The following PXT1 variants were observed in gnomAD, a reference collection of about 807,000 sequenced individuals.
The protein encoded by PXT1 is peroxisomal testis enriched protein 1, also known as peroxisomal testis-specific protein 1.
A neutral mutation model predicts 11.0 loss-of-function variants in PXT1; 11 were observed. The ratio of observed to expected loss-of-function variants is 1.00; its 90% CI spans 0.63 to 1.66. The LOEUF (loss-of-function observed/expected upper bound fraction) is 1.66. Among genes scored for constraint, PXT1 ranks in the 40% most tolerant of loss-of-function variants. PXT1 has a pLI of 0.00. For synonymous variants in PXT1, 43 were observed against 51.4 expected (o/e 0.84, Z 0.70); for missense variants, 141 against 155.5 (o/e 0.91, Z 0.49).
intron 3 of PXT1, among the ~76,000 whole-genome samples, chr6:36,413,618 G>A (rs565564469): frequency 6.2e-4 from 94 of 152,188 alleles, no homozygotes; most frequent in Non-Finnish European, 9.6e-4. Context: ...TAATATAGTG[G>A]GAGAAATTTT....
intron 2 of PXT1, among the ~76,000 whole-genome samples, chr6:36,437,423 G>A (rs1774782507): frequency 6.6e-6 from 1 of 152,018 alleles, no homozygotes; most frequent in Non-Finnish European, 1.5e-5. Flanking sequence ...CTGTCCCTCT[G>A]GATATTCATG....
intron 3 of PXT1, among the ~76,000 whole-genome samples, chr6:36,420,905 A>T (rs966814408): frequency 7.2e-5 from 11 of 152,022 alleles, no homozygotes; most frequent in Non-Finnish European, 1.0e-4. Context: ...ATACAAAAAA[A>T]TTAGCCGGGC....
At chr6:36,403,189 C>T (rs1774238905) in intron 3 of PXT1, among the ~76,000 whole-genome samples, 1 of 152,118 alleles carries the variant, frequency 6.6e-6, no homozygotes, top group Non-Finnish European at 1.5e-5. Context: ...CGGGTGGTTC[C>T]CATGTGCAGG....
At chr6:36,439,241 A>C (rs1287847437) in intron 1 of PXT1, among the ~76,000 whole-genome samples, 2 of 150,658 alleles carry the variant, frequency 1.3e-5, no homozygotes, top group Non-Finnish European at 3.0e-5. Context: ...CAGGTGATCC[A>C]CCCGCCTTGG....
Position 36,429,504 on chromosome 6 carries a change from TTTTC to T in PXT1, c.-9-3417_-9-3414del, listed in dbSNP as rs1774658466. On this transcript the variant is annotated intron_variant, in intron 2 of 4. Coordinates refer to ENST00000454782, the MANE Select transcript of PXT1 (RefSeq NM_152990.4). ...TTCACTTTTCTTTTTTCTTTTTTTCTTTTCTTTTTTTTTTTTTTGAGATGGAGTT... is the reference window on the plus strand; with the variant it reads ...TTCACTTTTCTTTTTTCTTTTTTTCTTTTTTTTTTTTTTTGAGATGGAGTT... Among the ~76,000 whole-genome samples the T allele has an allele frequency of 2.7e-5, 3 of 112,524 alleles. No individual in the cohort carries two copies. The South Asian group carries it at 7.9e-4, about 29-fold the overall frequency. The allele number at this position is 112,524 out of a possible 152,430, so 73.8% of individuals were successfully genotyped here. A position where few individuals can be genotyped will look rare whatever the true frequency, so the allele number is the denominator to read the frequency against.
chr6:36,399,110 T>C (rs1205228045), intron 4 of PXT1, among the ~76,000 whole-genome samples: 1 of 146,210 alleles, frequency 6.8e-6, no homozygotes, highest in Non-Finnish European at 1.5e-5. Flanking sequence ...TATTTCTCTC[T>C]TGCTTTATTT....
chr6:36,399,925 T>G (rs1160961003), intron 4 of PXT1, among the ~76,000 whole-genome samples: 8 of 152,130 alleles, frequency 5.3e-5, no homozygotes, highest in Non-Finnish European at 2.9e-5. Context: ...AAGGCATAGG[T>G]TCTCCTCCCT....
In PXT1 at chr6:36,399,806, C is replaced by T. The variant is rs142265595; in HGVS notation, c.300+648G>A. The stretch of plus-strand genomic sequence containing the variant: ...TTCAAACAGTAATCATTAGTCTTTC[C>T]TATTTTCCCTTATCATCTGTTATAA... On this transcript the variant is annotated intron_variant, in intron 4 of 4. Coordinates refer to ENST00000454782, the MANE Select transcript of PXT1 (RefSeq NM_152990.4). 3.8e-3 allele frequency among the ~76,000 whole-genome samples: 581 copies of T among 152,274 alleles called. 4 individuals carry two copies. The highest frequency in any genetic ancestry group is 0.013 in the African/African-American group (554 of 41,560).
intron 3 of PXT1, among the ~76,000 whole-genome samples, chr6:36,414,794 C>T (rs933013717): frequency 6.6e-6 from 1 of 152,188 alleles, no homozygotes; most frequent in African/African-American, 2.4e-5. Flanking sequence ...TACATGTCTC[C>T]CTTTCTCAGA....
chr6:36,412,807 A>C (rs1774393076), intron 3 of PXT1, among the ~76,000 whole-genome samples: 1 of 152,152 alleles, frequency 6.6e-6, no homozygotes, highest in African/African-American at 2.4e-5. Context: ...AAAACAAAAG[A>C]GAATGCTATG....
chr6:36,436,235 A>G (rs975439672), intron 2 of PXT1, among the ~76,000 whole-genome samples: 1 of 152,070 alleles, frequency 6.6e-6, no homozygotes, highest in African/African-American at 2.4e-5. Flanking sequence ...CTAAAAAAAA[A>G]GTGAGAAACT....
intron 3 of PXT1, among the ~76,000 whole-genome samples, chr6:36,403,486 A>C (rs1407247331): frequency 6.6e-6 from 1 of 152,232 alleles, no homozygotes; most frequent in African/African-American, 2.4e-5. Flanking sequence ...AGGCAGCATC[A>C]GCCTGTACAG....
At chr6:36,423,414 G>A (rs1774552650) in intron 3 of PXT1, among the ~76,000 whole-genome samples, 1 of 152,226 alleles carries the variant, frequency 6.6e-6, no homozygotes, top group Non-Finnish European at 1.5e-5. Context: ...AAAAGCGCGC[G>A]CGCGGACGAG....
chr6:36,426,464 G>A (rs1198591538), intron 2 of PXT1, among the ~76,000 whole-genome samples: 1 of 144,358 alleles, frequency 6.9e-6, no homozygotes, highest in South Asian at 2.2e-4. Flanking sequence ...TCTGCCTTCT[G>A]GGTTCAAGCA....
chr6:36,400,543 G>T lies in PXT1; in HGVS notation c.211C>A (p.Gln71Lys). The change falls in exon 4 of 5, where the codon CAG becomes AAG. Residue 71 changes from glutamine (Q) to lysine (K), a missense_variant. Gln to Lys is a moderately conservative substitution (Grantham distance 53). Transcript: ENST00000454782. Reference protein sequence around the residue: ...LSQPKEHSIVQKHHQEEIIHK... With the variant: ...LSQPKEHSIVKKHHQEEIIHK... ...ATTATTTCCTCCTGGTGATGCTTCTGAACAATGCTATGCTCCTTGGGCTGA... is the reference window on the plus strand; with the variant it reads ...ATTATTTCCTCCTGGTGATGCTTCTTAACAATGCTATGCTCCTTGGGCTGA... 1 of 1,613,864 alleles carries T rather than the reference G, an allele frequency of 6.2e-7. No individual in the cohort carries two copies. Among genetic ancestry groups the T allele is most frequent in the South Asian group, 1.1e-5 (1 of 91,062 alleles).
chr6:36,435,396 A>C (rs76832385), intron 2 of PXT1, among the ~76,000 whole-genome samples: 13 of 150,786 alleles, frequency 8.6e-5, no homozygotes, highest in African/African-American at 2.7e-4. Context: ...CCATCTCTAC[A>C]AAAATTTTTT....
At chr6:36,430,681 T>C (rs907207378) in intron 2 of PXT1, among the ~76,000 whole-genome samples, 5 of 152,218 alleles carry the variant, frequency 3.3e-5, no homozygotes, top group Non-Finnish European at 5.9e-5. Flanking sequence ...TAAGATAAAT[T>C]TGTATTGTAT....
chr6:36,433,517 G>T (rs923830512), intron 2 of PXT1, among the ~76,000 whole-genome samples: 2 of 151,964 alleles, frequency 1.3e-5, no homozygotes, highest in African/African-American at 4.8e-5. Flanking sequence ...GAAGGGCATT[G>T]CTCTACATGA....
At chr6:36,407,149 C>A (rs752772595) in intron 3 of PXT1, among the ~76,000 whole-genome samples, 4 of 152,182 alleles carry the variant, frequency 2.6e-5, no homozygotes, top group Non-Finnish European at 4.4e-5. Flanking sequence ...ATTTACTACT[C>A]CTCACAAAAG....
Sources: gnomAD v4.1 joint callset for allele counts (sites outside exome capture counted in the v4.1 genomes callset) on GRCh38, gnomAD v4.1.1 for gene constraint, MANE v1.5 for transcripts, NCBI Gene and HGNC (gene_info 2026-07-23, HGNC 2026-07-21) for gene names.